LRRC4C: variants seen among roughly 807,000 people sequenced by gnomAD.
LRRC4C encodes the protein leucine-rich repeat-containing protein 4C.
Under a neutral mutation model 33.6 loss-of-function variants are expected in LRRC4C, and 5 were observed. The ratio of observed to expected loss-of-function variants is 0.15; its 90% confidence interval spans 0.08 to 0.31. LRRC4C has a LOEUF of 0.31. Ranked by LOEUF, LRRC4C falls within the 10% of genes least tolerant of loss-of-function variation. LRRC4C has a pLI of 1.00. For missense variants in LRRC4C, 560 were observed against 796.7 expected (o/e 0.70, Z 3.58); for synonymous variants, 329 against 302.0 (o/e 1.09, Z -0.93).
At chr11:40,768,453 A>C (rs939119973) in intron 2 of LRRC4C, among the ~76,000 whole-genome samples, 2 of 152,024 alleles carry the variant, frequency 1.3e-5, no homozygotes, top group Non-Finnish European at 2.9e-5. Flanking sequence ...AACACCTACA[A>C]ACTCATTCCA....
chr11:41,121,016 A>G (rs553363036), intron 1 of LRRC4C, among the ~76,000 whole-genome samples: 71 of 152,258 alleles, frequency 4.7e-4, no homozygotes, highest in African/African-American at 1.6e-3. Context: ...CTGTGGAACT[A>G]TGAGTCAATT....
chr11:40,145,021 A>T (rs1488872383), intron 5 of LRRC4C, among the ~76,000 whole-genome samples: 1 of 152,160 alleles, frequency 6.6e-6, no homozygotes, highest in Non-Finnish European at 1.5e-5. Context: ...TTGCTTGCTT[A>T]TGTGTCTTTC....
At chr11:40,126,411 C>T (rs1472468570) in intron 6 of LRRC4C, among the ~76,000 whole-genome samples, 1 of 152,070 alleles carries the variant, frequency 6.6e-6, no homozygotes, top group African/African-American at 2.4e-5. Flanking sequence ...AAAACAACAA[C>T]AACAATGTGG....
At chr11:41,087,332 C>T (rs1233293164) in intron 1 of LRRC4C, among the ~76,000 whole-genome samples, 1 of 152,062 alleles carries the variant, frequency 6.6e-6, no homozygotes, top group African/African-American at 2.4e-5. Flanking sequence ...TTGTTAAAAA[C>T]ACAAATGTAA....
At chr11:41,370,269 T>C (rs1952696045) in intron 1 of LRRC4C, among the ~76,000 whole-genome samples, 1 of 152,132 alleles carries the variant, frequency 6.6e-6, no homozygotes, top group Non-Finnish European at 1.5e-5. Context: ...CTGCAACCTC[T>C]ACCACCTGGG....
chr11:40,969,697 C>G (rs1223673795), intron 1 of LRRC4C, among the ~76,000 whole-genome samples: 1 of 152,088 alleles, frequency 6.6e-6, no homozygotes, highest in South Asian at 2.1e-4. Flanking sequence ...GGTATATACA[C>G]TATTTATTAG....
chr11:40,633,794 A>G (rs1478771942), intron 3 of LRRC4C, among the ~76,000 whole-genome samples: 1 of 152,204 alleles, frequency 6.6e-6, no homozygotes, highest in African/African-American at 2.4e-5. Context: ...AAATGGAGTT[A>G]TAGACAAATT....
rs1409393771 is a variant in LRRC4C, at chr11:40,232,823, C to T, written c.-96+8696G>A. 1.3e-5 allele frequency among the ~76,000 whole-genome samples: 2 copies of T among 152,220 alleles called. 1 individual carries two copies. The highest frequency in any genetic ancestry group is 4.8e-5 in the African/African-American group (2 of 41,468). Reference sequence around the variant, plus strand: ...GACAGGATTCTCACTAGTTTCATCACATCTTGCCTGGACTACTGCAGACGC... The same window carrying T: ...GACAGGATTCTCACTAGTTTCATCATATCTTGCCTGGACTACTGCAGACGC... On this transcript the variant is annotated intron_variant, in intron 5 of 6. Transcript: ENST00000528697.
chr11:40,618,897 A>G (rs576334758), intron 3 of LRRC4C, among the ~76,000 whole-genome samples: 1 of 151,884 alleles, frequency 6.6e-6, no homozygotes, highest in Admixed American at 6.6e-5. Flanking sequence ...TTGTACATCT[A>G]TAAATGGGTC....
intron 6 of LRRC4C, among the ~76,000 whole-genome samples, chr11:40,135,688 A>G (rs945643951): frequency 1.3e-5 from 2 of 152,140 alleles, no homozygotes; most frequent in African/African-American, 4.8e-5. Flanking sequence ...TTTATTCTTG[A>G]AAGGATGCAT....
At chr11:41,327,198 T>A (rs1424362372) in intron 1 of LRRC4C, among the ~76,000 whole-genome samples, 7 of 152,150 alleles carry the variant, frequency 4.6e-5, no homozygotes, top group Non-Finnish European at 8.8e-5. Flanking sequence ...GGTATCATAA[T>A]TATTATTTTT....
chr11:40,439,552 C>T (rs534953525), intron 3 of LRRC4C, among the ~76,000 whole-genome samples: 2 of 151,704 alleles, frequency 1.3e-5, no homozygotes, highest in East Asian at 2.0e-4. Flanking sequence ...CTCCCAGGCT[C>T]AAGCAATTCT....
chr11:41,086,884 G>C (rs941018525), intron 1 of LRRC4C, among the ~76,000 whole-genome samples: 1 of 149,536 alleles, frequency 6.7e-6, no homozygotes, highest in African/African-American at 2.5e-5. Context: ...AAATAGATAT[G>C]AGTCTTTTTT....
At chr11:40,577,662 A>T (rs765168304) in intron 3 of LRRC4C, among the ~76,000 whole-genome samples, 3 of 152,064 alleles carry the variant, frequency 2.0e-5, no homozygotes, top group Non-Finnish European at 4.4e-5. Context: ...ACTGCTAAAC[A>T]TCCTACAGTG....
At chr11:40,837,599 A>C (rs1200387943) in intron 2 of LRRC4C, among the ~76,000 whole-genome samples, 2 of 150,078 alleles carry the variant, frequency 1.3e-5, no homozygotes, top group Non-Finnish European at 3.0e-5. Flanking sequence ...TAGCACTTTG[A>C]GAGGCCTAGG....
At chr11:41,205,517 C>T (rs1946565133) in intron 1 of LRRC4C, among the ~76,000 whole-genome samples, 1 of 152,090 alleles carries the variant, frequency 6.6e-6, no homozygotes. Context: ...CAAAGGCTAC[C>T]AGTGATTGTA....
intron 2 of LRRC4C, among the ~76,000 whole-genome samples, chr11:40,710,604 C>A (rs118136378): frequency 6.6e-6 from 1 of 152,168 alleles, no homozygotes; most frequent in East Asian, 1.9e-4. Flanking sequence ...GAGGGGCACC[C>A]GGCTGTTTGA....
At chr11:40,563,624 ATAGT>A (rs2135520692) in intron 3 of LRRC4C, among the ~76,000 whole-genome samples, 1 of 152,304 alleles carries the variant, frequency 6.6e-6, no homozygotes, top group African/African-American at 2.4e-5. Flanking sequence ...ACATGGGCTA[ATAGT>A]TGGTGGCACA....
At chr11:40,972,512 G>T (rs1851796517) in intron 1 of LRRC4C, among the ~76,000 whole-genome samples, 1 of 152,062 alleles carries the variant, frequency 6.6e-6, no homozygotes, top group African/African-American at 2.4e-5. Flanking sequence ...GTATTAGTTT[G>T]TTCTCATACT....
Sources: allele counts gnomAD v4.1 joint callset (sites outside exome capture counted in the v4.1 genomes callset), GRCh38; gene constraint gnomAD v4.1.1; transcripts MANE v1.5; gene names NCBI Gene and HGNC (gene_info 2026-07-23, HGNC 2026-07-21).